Variants in ADAM22 observed in about 807,000 individuals in gnomAD.
ADAM22 encodes the protein ADAM metallopeptidase domain 22.
Under a neutral mutation model 144.6 loss-of-function variants are expected in ADAM22, and 65 were observed. The observed-to-expected ratio is 0.45, with a 90% CI of 0.37 to 0.55. ADAM22 has a LOEUF of 0.55. Among genes scored for constraint, ADAM22 ranks in the 20% least tolerant of loss-of-function variants. The pLI is 0.00. For missense variants in ADAM22, 974 were observed against 1,184.9 expected, an observed-to-expected ratio of 0.82 and a Z score of 2.61; for synonymous variants, 391 against 412.6, an observed-to-expected ratio of 0.95 and a Z score of 0.63.
At chr7:88,144,113 G>T (rs746805150) in intron 15 of ADAM22, among the ~76,000 whole-genome samples, 3 of 152,172 alleles carry the variant, frequency 2.0e-5, no homozygotes, top group Non-Finnish European at 4.4e-5. Context: ...TTGTAGAAGA[G>T]AGAATATTTA....
At chr7:88,120,327 C>G (rs933212685) in intron 7 of ADAM22, among the ~76,000 whole-genome samples, 2 of 152,010 alleles carry the variant, frequency 1.3e-5, no homozygotes, top group Admixed American at 1.3e-4. Context: ...TCCCTCCCCC[C>G]TTCCCCCACC....
intron 3 of ADAM22, among the ~76,000 whole-genome samples, chr7:87,987,989 A>C (rs1235883553): frequency 6.6e-6 from 1 of 152,174 alleles, no homozygotes; most frequent in Non-Finnish European, 1.5e-5. Context: ...CCTTATTCTC[A>C]GTTGACTCCT....
At chr7:88,094,269 TG>T (rs1349884573) in intron 4 of ADAM22, among the ~76,000 whole-genome samples, 2 of 152,212 alleles carry the variant, frequency 1.3e-5, no homozygotes, top group African/African-American at 4.8e-5. Context: ...TGACCTCATC[TG>T]GTTGGTCAGG....
chr7:87,995,563 C>T (rs1042906266), intron 3 of ADAM22, among the ~76,000 whole-genome samples: 2 of 152,140 alleles, frequency 1.3e-5, no homozygotes, highest in South Asian at 4.1e-4. Context: ...CTGGGACCAG[C>T]GGCATCATCG....
At chr7:88,009,078 G>A (rs1794725484) in intron 3 of ADAM22, among the ~76,000 whole-genome samples, 1 of 152,094 alleles carries the variant, frequency 6.6e-6, no homozygotes, top group Admixed American at 6.5e-5. Flanking sequence ...AAATTTTGTG[G>A]ATTTTAGTCA....
chr7:88,069,517 A>T (rs1035212931), intron 3 of ADAM22, among the ~76,000 whole-genome samples: 1 of 152,196 alleles, frequency 6.6e-6, no homozygotes, highest in African/African-American at 2.4e-5. Flanking sequence ...CTTCGCCATT[A>T]GAAGAGTTAC....
At chr7:88,020,348 G>A (rs1209177755) in intron 3 of ADAM22, among the ~76,000 whole-genome samples, 1 of 152,152 alleles carries the variant, frequency 6.6e-6, no homozygotes, top group African/African-American at 2.4e-5. Context: ...TAACAAAATG[G>A]GTTTTTAAGT....
intron 3 of ADAM22, among the ~76,000 whole-genome samples, chr7:88,031,721 CA>C (rs1800303221): frequency 1.3e-5 from 2 of 152,228 alleles, no homozygotes; most frequent in African/African-American, 4.8e-5. Context: ...ACCTTCATGG[CA>C]GCCCCTCCCA....
At chr7:87,996,899 T>A (rs999786898) in intron 3 of ADAM22, among the ~76,000 whole-genome samples, 8 of 152,312 alleles carry the variant, frequency 5.3e-5, no homozygotes, top group African/African-American at 1.9e-4. Flanking sequence ...AGTGCCTGTT[T>A]TATTGGGTAG....
intron 3 of ADAM22, among the ~76,000 whole-genome samples, chr7:88,006,746 G>A (rs897629725): frequency 1.7e-4 from 25 of 149,992 alleles, no homozygotes; most frequent in South Asian, 6.7e-4. Flanking sequence ...TTGATGGGAC[G>A]TATCTCAAAA....
chr7:88,091,486 G>C lies in ADAM22; in HGVS notation c.390+15794G>C, dbSNP rs573246760. Among the ~76,000 whole-genome samples the C allele has an allele frequency of 4.5e-4, 68 of 152,228 alleles. 1 individual carries two copies. The highest frequency in any genetic ancestry group is 1.6e-3 in the African/African-American group (66 of 41,564). ...CAGATGAGATCAATACTAGTAACTG[G>C]ATTTAGGATTAATAAAAGTACTGGT... On this transcript the variant is annotated intron_variant, in intron 4 of 31. Transcript: ENST00000413139.
chr7:87,975,214 T>A (rs1167084211), intron 2 of ADAM22, among the ~76,000 whole-genome samples: 1 of 152,212 alleles, frequency 6.6e-6, no homozygotes, highest in East Asian at 1.9e-4. Flanking sequence ...CCATCTTCCC[T>A]GGTCATTCTC....
chr7:88,183,944 A>G (rs1847721319), intron 29 of ADAM22, among the ~76,000 whole-genome samples: 1 of 152,100 alleles, frequency 6.6e-6, no homozygotes, highest in Non-Finnish European at 1.5e-5. Flanking sequence ...TACTTTCCAT[A>G]TTTAAGTAAT....
intron 4 of ADAM22, among the ~76,000 whole-genome samples, chr7:88,099,432 C>T (rs768231375): frequency 1.8e-4 from 27 of 152,070 alleles, no homozygotes; most frequent in Non-Finnish European, 2.5e-4. Context: ...TGTGTTACAA[C>T]AAAGAAATTC....
chr7:88,132,982 G>T (rs1244276817), intron 12 of ADAM22, 31 bp downstream of exon 12: 1 of 1,584,448 alleles, frequency 6.3e-7, no homozygotes, highest in Non-Finnish European at 8.7e-7. Context: ...AATACAAAGT[G>T]GTATGATGGC....
chr7:88,160,328 C>T (rs538575385), intron 22 of ADAM22, among the ~76,000 whole-genome samples: 10 of 152,232 alleles, frequency 6.6e-5, no homozygotes, highest in African/African-American at 2.4e-4. Context: ...GGCCATACTG[C>T]CAAAGCAATT....
chr7:88,171,175 A>G (rs935567487), intron 25 of ADAM22, among the ~76,000 whole-genome samples: 4 of 151,984 alleles, frequency 2.6e-5, no homozygotes, highest in African/African-American at 7.2e-5. Flanking sequence ...AGTTATTTAT[A>G]TAAGTAACTT....
intron 3 of ADAM22, among the ~76,000 whole-genome samples, chr7:87,985,625 T>C (rs1788292539): frequency 6.6e-6 from 1 of 152,212 alleles, no homozygotes; most frequent in Admixed American, 6.5e-5. Context: ...AGTTCATCCA[T>C]GCTATATGTG....
chr7:88,136,124 G>T, intron 14 of ADAM22, 93 bp downstream of exon 14: 2 of 1,098,126 alleles, frequency 1.8e-6, no homozygotes, highest in African/African-American at 1.6e-5. Flanking sequence ...CTTAGTGCAT[G>T]GAATCTAGCA....
Sources: allele counts gnomAD v4.1 joint callset (sites outside exome capture counted in the v4.1 genomes callset), GRCh38; gene constraint gnomAD v4.1.1; transcripts MANE v1.5; gene names NCBI Gene and HGNC (gene_info 2026-07-23, HGNC 2026-07-21).